SIPA1L3: variants seen among roughly 807,000 people sequenced by gnomAD.
The protein encoded by SIPA1L3 is signal-induced proliferation-associated 1-like protein 3.
A neutral mutation model predicts 150.1 loss-of-function variants in SIPA1L3; 59 were observed. The observed-to-expected ratio is 0.39, with a 90% CI of 0.32 to 0.49. The LOEUF (loss-of-function observed/expected upper bound fraction) is 0.49. Ranked by LOEUF, SIPA1L3 falls within the 20% of genes least tolerant of loss-of-function variation. The probability of loss-of-function intolerance (pLI) is 0.86; values close to 1 mark genes in which losing one functional copy is unlikely to be tolerated. For missense variants in SIPA1L3, 2,211 were observed against 2,489.5 expected, an observed-to-expected ratio of 0.89 and a Z score of 2.38; for synonymous variants, 1,070 against 1,077.6, an observed-to-expected ratio of 0.99 and a Z score of 0.14.
intron 6 of SIPA1L3, among the ~76,000 whole-genome samples, chr19:38,101,530 C>G (rs190262443): frequency 2.0e-5 from 3 of 152,252 alleles, no homozygotes; most frequent in African/African-American, 7.2e-5. Flanking sequence ...CCTGCCTCAG[C>G]CTCCCAACTA....
At chr19:38,198,681 C>T (rs1178089078) in intron 19 of SIPA1L3, 149 bp downstream of exon 19, 31 of 787,690 alleles carry the variant, frequency 3.9e-5, no homozygotes, top group Non-Finnish European at 5.4e-5. Flanking sequence ...CACTTGCTTA[C>T]CATGCAGCCC....
At chr19:38,123,213 AC>A (rs1971064793) in intron 9 of SIPA1L3, among the ~76,000 whole-genome samples, 1 of 150,314 alleles carries the variant, frequency 6.7e-6, no homozygotes, top group Non-Finnish European at 1.5e-5. Flanking sequence ...GCCCAGAGAT[AC>A]CTTGACTTGC....
At chr19:38,081,015 A>G (rs910364802) in intron 2 of SIPA1L3, among the ~76,000 whole-genome samples, 3 of 151,836 alleles carry the variant, frequency 2.0e-5, no homozygotes, top group Non-Finnish European at 4.4e-5. Context: ...AAAACATTCT[A>G]TCAGAAACAA....
chr19:38,057,097 C>T (rs567380949), intron 2 of SIPA1L3, among the ~76,000 whole-genome samples: 5 of 152,060 alleles, frequency 3.3e-5, no homozygotes, highest in African/African-American at 1.2e-4. Context: ...ATGGCGAAAC[C>T]CCGTCTTTAC....
intron 1 of SIPA1L3, among the ~76,000 whole-genome samples, chr19:38,001,945 T>C (rs527684711): frequency 6.6e-6 from 1 of 152,342 alleles, no homozygotes; most frequent in South Asian, 2.1e-4. Context: ...TTGTCAGTTA[T>C]ACCTTTAAGG....
At chr19:38,093,989 C>A (rs1449928852) in intron 4 of SIPA1L3, among the ~76,000 whole-genome samples, 2 of 152,196 alleles carry the variant, frequency 1.3e-5, no homozygotes, top group Non-Finnish European at 2.9e-5. Context: ...GTGTGGCACC[C>A]CCCCACAAGG....
intron 15 of SIPA1L3, among the ~76,000 whole-genome samples, chr19:38,170,473 A>T (rs935747500): frequency 6.6e-6 from 1 of 152,152 alleles, no homozygotes; most frequent in African/African-American, 2.4e-5. Flanking sequence ...CTGCTCCTGG[A>T]AGGCAGGCAC....
intron 1 of SIPA1L3, among the ~76,000 whole-genome samples, chr19:38,023,154 G>A (rs2145704639): frequency 6.6e-6 from 1 of 152,298 alleles, no homozygotes; most frequent in Non-Finnish European, 1.5e-5. Flanking sequence ...TGGGCTGGAG[G>A]CAGGACCACC....
intron 1 of SIPA1L3, among the ~76,000 whole-genome samples, chr19:37,985,973 G>T (rs1967340628): frequency 1.3e-5 from 2 of 152,238 alleles, no homozygotes; most frequent in Admixed American, 1.3e-4. Context: ...GAGCAAAGCG[G>T]TGGCGCTTTG....
intron 9 of SIPA1L3, among the ~76,000 whole-genome samples, chr19:38,123,637 A>G (rs1237532921): frequency 3.9e-5 from 6 of 152,004 alleles, no homozygotes; most frequent in African/African-American, 1.4e-4. Context: ...AGTACAGAAC[A>G]AAATGAAAAG....
At chr19:38,085,988 T>A (rs971989306) in intron 3 of SIPA1L3, among the ~76,000 whole-genome samples, 1 of 151,360 alleles carries the variant, frequency 6.6e-6, no homozygotes, top group Non-Finnish European at 1.5e-5. Context: ...AGAGTGAGAC[T>A]CTGTCCCCTC....
intron 17 of SIPA1L3, among the ~76,000 whole-genome samples, chr19:38,192,704 GA>G (rs1972831452): frequency 6.6e-6 from 1 of 152,182 alleles, no homozygotes; most frequent in South Asian, 2.1e-4. Flanking sequence ...GACACGGGTG[GA>G]AAGAACAGTG....
intron 9 of SIPA1L3, among the ~76,000 whole-genome samples, chr19:38,126,203 C>G (rs1186473788): frequency 4.0e-5 from 6 of 150,424 alleles, no homozygotes; most frequent in Non-Finnish European, 8.8e-5. Flanking sequence ...AAAAACAAAA[C>G]AAAACAAAAA....
intron 1 of SIPA1L3, among the ~76,000 whole-genome samples, chr19:37,960,556 A>G (rs2046848666): frequency 6.6e-6 from 1 of 151,168 alleles, no homozygotes; most frequent in Non-Finnish European, 1.5e-5. Context: ...GGTGCCCACC[A>G]CCACGCCTGG....
rs761483136 is a variant in SIPA1L3 at position 38,119,477 on chromosome 19, C to T, written c.2463C>T (p.Arg821=). The stretch of plus-strand genomic sequence containing the variant: ...TCCACACCATGGCCACCAGGACCCG[C>T]CAGGAGTATCTCAAGGACCTGGCCG... ...DKFHTMATRT[R]QEYLKDLAEN... is the part of the protein sequence containing the mutation. Residue 821 remains arginine, a synonymous_variant, in exon 9 of 22, where the codon CGC becomes CGT. Coordinates refer to ENST00000222345, the MANE Select transcript of SIPA1L3 (RefSeq NM_015073.3). 6.2e-7 allele frequency: 1 copy of T among 1,614,176 alleles called. No individual in the cohort carries two copies. The highest frequency in any genetic ancestry group is 8.5e-7 in the Non-Finnish European group (1 of 1,180,022).
intron 1 of SIPA1L3, among the ~76,000 whole-genome samples, chr19:37,988,376 A>G (rs929748707): frequency 1.3e-5 from 2 of 152,154 alleles, no homozygotes; most frequent in Non-Finnish European, 2.9e-5. Flanking sequence ...TTTTTAAAAA[A>G]TTATTATCAA....
chr19:38,028,822 A>G (rs917095363), intron 1 of SIPA1L3, among the ~76,000 whole-genome samples: 9 of 150,638 alleles, frequency 6.0e-5, no homozygotes, highest in African/African-American at 2.2e-4. Context: ...CCTCCCAAGT[A>G]CCTGGCATGA....
chr19:38,172,363 C>T (rs549078941), intron 15 of SIPA1L3, among the ~76,000 whole-genome samples: 105 of 152,280 alleles, frequency 6.9e-4, no homozygotes, highest in African/African-American at 2.5e-3. Context: ...ACCTTTGCAG[C>T]CCCTACTCTG....
intron 1 of SIPA1L3, among the ~76,000 whole-genome samples, chr19:38,000,891 ATGTT>A (rs1568495813): frequency 7.2e-6 from 1 of 138,736 alleles, no homozygotes; most frequent in East Asian, 2.0e-4. Context: ...ATATATATAT[ATGTT>A]ATATATATAT....
Sources: gnomAD v4.1 joint callset for allele counts (sites outside exome capture counted in the v4.1 genomes callset) on GRCh38, gnomAD v4.1.1 for gene constraint, MANE v1.5 for transcripts, NCBI Gene and HGNC (gene_info 2026-07-23, HGNC 2026-07-21) for gene names.